Variants in EYS observed in about 807,000 individuals in gnomAD.
The protein encoded by EYS is protein eyes shut homolog.
In EYS, 250 loss-of-function variants were observed where a neutral mutation model predicts 282.1. That is an observed-to-expected ratio of 0.89 (90% CI 0.80 to 0.98). The LOEUF (loss-of-function observed/expected upper bound fraction) is 0.98. EYS is among the 50% of genes least tolerant of loss of function. The pLI, the probability that EYS is intolerant of heterozygous loss-of-function variation, is 0.00. For missense variants in EYS, 4,016 were observed against 3,709.0 expected, an observed-to-expected ratio of 1.08 and a Z score of -2.15; for synonymous variants, 1,355 against 1,282.9, an observed-to-expected ratio of 1.06 and a Z score of -1.20.
intron 12 of EYS, among the ~76,000 whole-genome samples, chr6:65,086,744 G>C (rs1300264612): frequency 6.6e-6 from 1 of 151,896 alleles, no homozygotes; most frequent in Non-Finnish European, 1.5e-5. Context: ...TTCCAATTAT[G>C]TACATGAGCA....
chr6:64,458,752 A>G (rs1354484871), intron 26 of EYS, among the ~76,000 whole-genome samples: 1 of 152,126 alleles, frequency 6.6e-6, no homozygotes, highest in African/African-American at 2.4e-5. Flanking sequence ...GTACTACTGT[A>G]TCATCTTGTT....
At chr6:64,249,527 TATA>T (rs1464616549) in intron 30 of EYS, among the ~76,000 whole-genome samples, 1 of 152,164 alleles carries the variant, frequency 6.6e-6, no homozygotes, top group Non-Finnish European at 1.5e-5. Flanking sequence ...TCCATACATT[TATA>T]ATAATAAAAA....
intron 26 of EYS, among the ~76,000 whole-genome samples, chr6:64,495,029 A>G (rs9353862): frequency 0.26 from 38,995 of 151,430 alleles, 5,484 homozygotes; most frequent in East Asian, 0.35. Flanking sequence ...AATTACTGTG[A>G]TATGTAAGAT....
At chr6:64,596,023 G>A (rs1193608570) in intron 24 of EYS, among the ~76,000 whole-genome samples, 1 of 152,124 alleles carries the variant, frequency 6.6e-6, no homozygotes, top group Non-Finnish European at 1.5e-5. Context: ...AGAAGACGAA[G>A]AGGGAGGAGG....
intron 12 of EYS, among the ~76,000 whole-genome samples, chr6:65,101,198 C>T (rs1206502511): frequency 2.6e-5 from 4 of 150,998 alleles, no homozygotes; most frequent in Non-Finnish European, 5.9e-5. Context: ...AATTTGAGAA[C>T]CGTTCAAGTA....
At chr6:64,218,010 G>A (rs1046579096) in intron 31 of EYS, among the ~76,000 whole-genome samples, 1 of 152,032 alleles carries the variant, frequency 6.6e-6, no homozygotes, top group Admixed American at 6.5e-5. Flanking sequence ...TCTGTGTAGA[G>A]AGACTTCTTG....
chr6:64,760,940 C>G (rs563131551), intron 22 of EYS, among the ~76,000 whole-genome samples: 2 of 152,274 alleles, frequency 1.3e-5, no homozygotes, highest in South Asian at 4.1e-4. Flanking sequence ...ATGTAACTTT[C>G]TGGGAGAAGG....
At chr6:63,824,589 T>C (rs891687717) in intron 36 of EYS, among the ~76,000 whole-genome samples, 8 of 152,036 alleles carry the variant, frequency 5.3e-5, no homozygotes, top group African/African-American at 1.9e-4. Context: ...GCTGCGGAAG[T>C]GGGAAAAGGA....
intron 12 of EYS, among the ~76,000 whole-genome samples, chr6:65,207,643 C>T (rs503019): frequency 0.022 from 3,298 of 151,474 alleles, 109 homozygotes; most frequent in African/African-American, 0.076. Context: ...CAAGGGTATA[C>T]GAACCAAAAG....
intron 30 of EYS, among the ~76,000 whole-genome samples, chr6:64,259,508 T>C (rs182799723): frequency 1.2e-4 from 18 of 152,142 alleles, no homozygotes; most frequent in Admixed American, 9.2e-4. Context: ...TATGTAATCT[T>C]GGAAGGAGAT....
intron 23 of EYS, among the ~76,000 whole-genome samples, chr6:64,619,233 A>G (rs1351051490): frequency 6.6e-6 from 1 of 152,190 alleles, no homozygotes; most frequent in East Asian, 1.9e-4. Context: ...ATATTTCAAA[A>G]TATAATTTAA....
chr6:64,837,995 A>T (rs1765439230), intron 19 of EYS, among the ~76,000 whole-genome samples: 1 of 151,722 alleles, frequency 6.6e-6, no homozygotes, highest in Non-Finnish European at 1.5e-5. Flanking sequence ...ATATCTCTTA[A>T]ATTTATACAA....
chr6:64,817,955 C>G (rs1764789162), intron 21 of EYS, among the ~76,000 whole-genome samples: 1 of 152,120 alleles, frequency 6.6e-6, no homozygotes, highest in Non-Finnish European at 1.5e-5. Context: ...TATGTTAAGT[C>G]TGCTCATAGC....
At chr6:64,061,298 TA>T (rs1245671087) in intron 33 of EYS, among the ~76,000 whole-genome samples, 1 of 152,154 alleles carries the variant, frequency 6.6e-6, no homozygotes, top group Non-Finnish European at 1.5e-5. Context: ...TTCAGAAACT[TA>T]AAAAAGTGTA....
chr6:64,181,641 C>T (rs982525059), intron 31 of EYS, among the ~76,000 whole-genome samples: 1 of 152,056 alleles, frequency 6.6e-6, no homozygotes, highest in Non-Finnish European at 1.5e-5. Flanking sequence ...CATTAGATTA[C>T]TTAATTATCA....
intron 12 of EYS, among the ~76,000 whole-genome samples, chr6:65,123,444 A>G (rs1238755103): frequency 1.3e-5 from 2 of 152,198 alleles, no homozygotes; most frequent in African/African-American, 4.8e-5. Context: ...TAAGTTGCGT[A>G]TATGGACAGA....
At position 64,197,782 on chromosome 6, in the gene EYS, GC is replaced by G. The variant is rs1269117668; in HGVS notation, c.6424+32809del. Among the ~76,000 whole-genome samples the G allele has an allele frequency of 3.5e-5, 5 of 143,168 alleles. No homozygotes were observed. In the East Asian group the frequency reaches 1.0e-3, roughly 29 times the overall value. The allele number at this position is 143,168 out of a possible 152,430, so 93.9% of individuals were successfully genotyped here. ...TTGTTTAGGATTGATTTTTTTTTTTGCCATATTTACCAGGTATTTCTTTACA... is the reference window on the plus strand; with the variant it reads ...TTGTTTAGGATTGATTTTTTTTTTTGCATATTTACCAGGTATTTCTTTACA... On this transcript the variant is annotated intron_variant, in intron 31 of 42. Transcript: ENST00000503581.
intron 30 of EYS, among the ~76,000 whole-genome samples, chr6:64,265,915 T>C (rs1278446987): frequency 6.6e-6 from 1 of 152,134 alleles, no homozygotes; most frequent in East Asian, 1.9e-4. Flanking sequence ...TTGCTCTAGG[T>C]TTTTTGCCTC....
intron 5 of EYS, among the ~76,000 whole-genome samples, chr6:65,429,421 T>C (rs570054375): frequency 3.1e-4 from 47 of 152,288 alleles, no homozygotes; most frequent in African/African-American, 8.4e-4. Flanking sequence ...ATTCAATTCA[T>C]TTTCCAGCAG....
Sources: gnomAD v4.1 joint callset for allele counts (sites outside exome capture counted in the v4.1 genomes callset) on GRCh38, gnomAD v4.1.1 for gene constraint, MANE v1.5 for transcripts, NCBI Gene and HGNC (gene_info 2026-07-23, HGNC 2026-07-21) for gene names.